GRAMD1C: variants seen among roughly 807,000 people sequenced by gnomAD.
GRAMD1C encodes the protein GRAM domain containing 1C.
Under a neutral mutation model 97.8 loss-of-function variants are expected in GRAMD1C, and 89 were observed. The observed-to-expected ratio is 0.91, with a 90% confidence interval of 0.77 to 1.09. GRAMD1C has a LOEUF of 1.09. GRAMD1C is among the 50% of genes least tolerant of loss of function. The probability of loss-of-function intolerance (pLI) is 0.00; values close to 1 mark genes in which losing one functional copy is unlikely to be tolerated. For missense variants in GRAMD1C, 740 were observed against 766.4 expected (o/e 0.97, Z 0.41); for synonymous variants, 256 against 267.0 (o/e 0.96, Z 0.40).
rs757180388 is a variant in GRAMD1C at position 113,938,130 on chromosome 3, G to C, written c.1678G>C (p.Val560Leu). The change falls in exon 15 of 18, where the codon GTA (valine) becomes CTA (leucine). Residue 560 changes from valine to leucine, a missense_variant. Transcript: ENST00000358160. ...AAACTATAACGTCACTCTTATTGTG[G>C]TAATGAGTATTTTGTAAGTATTTGT... The part of the protein sequence containing the change: ...MENYNVTLIV[V>L]MSIFVLLLVL... 6.6e-6 allele frequency: 10 copies of C among 1,505,206 alleles called. No individual in the cohort carries two copies. The highest frequency in any genetic ancestry group is 2.0e-5 in the Admixed American group (1 of 51,240). The allele number at this position is 1,505,206 out of a possible 1,614,324, so 93.2% of individuals were successfully genotyped here. A position where few individuals can be genotyped will look rare whatever the true frequency, so the allele number is the denominator to read the frequency against.
At chr3:113,930,546 C>G (rs1263069780) in intron 10 of GRAMD1C, among the ~76,000 whole-genome samples, 168 bp from the exon 11 acceptor site, 2 of 152,194 alleles carry the variant, frequency 1.3e-5, no homozygotes, top group Non-Finnish European at 2.9e-5. Context: ...GAGTGCTTAA[C>G]ATTTAATCTC....
chr3:113,934,526 A>G lies in GRAMD1C; in HGVS notation c.1447A>G (p.Lys483Glu). 1 of 1,490,830 alleles carries G rather than the reference A, an allele frequency of 6.7e-7. No homozygotes were observed. The highest frequency in any genetic ancestry group is 9.2e-7 in the Non-Finnish European group (1 of 1,083,630). 92.4% of individuals were successfully genotyped at this position (1,490,830 alleles called of 1,614,324 possible). A position where few individuals can be genotyped will look rare whatever the true frequency, so the allele number is the denominator to read the frequency against. Residue 483 changes from lysine to glutamate, a missense_variant, in exon 13 of 18, where the codon AAA (lysine) becomes GAA (glutamate). Physicochemically the swap from Lys to Glu is moderately conservative, Grantham distance 56 (BLOSUM62 1). Transcript: ENST00000358160. Reference sequence around the variant, plus strand: ...CTGGAGTTCTTTGGAGGACTATTTCAAACAGCTTGGTTTGTAAATTTTTTT... The same window carrying G: ...CTGGAGTTCTTTGGAGGACTATTTCGAACAGCTTGGTTTGTAAATTTTTTT... ...NSWSSLEDYF[K>E]QLESDLLIEE...
intron 5 of GRAMD1C, among the ~76,000 whole-genome samples, chr3:113,879,314 C>A (rs1275477103): frequency 2.0e-5 from 3 of 152,114 alleles, no homozygotes; most frequent in Non-Finnish European, 4.4e-5. Flanking sequence ...ACAGGGACAC[C>A]CTCTGTTCCC....
chr3:113,862,881 C>G (rs1934437746), intron 2 of GRAMD1C, among the ~76,000 whole-genome samples: 1 of 152,170 alleles, frequency 6.6e-6, no homozygotes, highest in African/African-American at 2.4e-5. Context: ...CTTCCTGCAA[C>G]ACAATGGGAA....
At chr3:113,926,829 C>A (rs2107358695) in intron 10 of GRAMD1C, among the ~76,000 whole-genome samples, 1 of 152,302 alleles carries the variant, frequency 6.6e-6, no homozygotes, top group African/African-American at 2.4e-5. Context: ...AGAGTTAGAA[C>A]ACATAGTTTT....
intron 10 of GRAMD1C, among the ~76,000 whole-genome samples, chr3:113,916,091 T>G (rs1315999170): frequency 6.6e-6 from 1 of 152,230 alleles, no homozygotes; most frequent in Non-Finnish European, 1.5e-5. Flanking sequence ...ATTTATTCAT[T>G]AAGGTACCAA....
chr3:113,885,285 C>T (rs1935428074), intron 6 of GRAMD1C: 26 of 1,461,118 alleles, frequency 1.8e-5, no homozygotes, highest in Non-Finnish European at 2.5e-5. Context: ...CCGGCGGTGC[C>T]GGGGTCATCC....
chr3:113,886,072 G>A, intron 6 of GRAMD1C: 1 of 799,284 alleles, frequency 1.3e-6, no homozygotes, highest in Non-Finnish European at 1.8e-6. Context: ...GGGGGGGCGG[G>A]GGGGAAAGGG....
chr3:113,833,120 C>CTTTTTTTTTTTTTTTTT (rs200062835), intron 1 of GRAMD1C, among the ~76,000 whole-genome samples: 2 of 129,472 alleles, frequency 1.5e-5, no homozygotes, highest in African/African-American at 2.9e-5. Context: ...TTCTTTCTTT[C>CTTTTTTTTTTTTTTTTT]TTTTTTTTTT....
At chr3:113,863,219 A>G (rs1460203770) in intron 2 of GRAMD1C, among the ~76,000 whole-genome samples, 1 of 152,234 alleles carries the variant, frequency 6.6e-6, no homozygotes, top group Non-Finnish European at 1.5e-5. Context: ...GATAAAATGT[A>G]GTATATTTGT....
At chr3:113,915,059 T>C (rs567659823) in intron 9 of GRAMD1C, among the ~76,000 whole-genome samples, 1 of 152,362 alleles carries the variant, frequency 6.6e-6, no homozygotes, top group East Asian at 1.9e-4. Context: ...AACATCACTA[T>C]GATTATCAAA....
chr3:113,832,463 T>C (rs909232978), intron 1 of GRAMD1C, among the ~76,000 whole-genome samples: 5 of 152,240 alleles, frequency 3.3e-5, no homozygotes, highest in Non-Finnish European at 7.3e-5. Flanking sequence ...ATACACAAGA[T>C]AAAATTAACC....
intron 6 of GRAMD1C, among the ~76,000 whole-genome samples, chr3:113,893,834 C>T (rs1935830525): frequency 6.6e-6 from 1 of 152,146 alleles, no homozygotes; most frequent in Non-Finnish European, 1.5e-5. Context: ...TTTAGTAGAA[C>T]TTCAATGATT....
upstream of GRAMD1C, among the ~76,000 whole-genome samples, chr3:113,834,469 G>A (rs928128409): frequency 5.9e-5 from 9 of 151,472 alleles, no homozygotes; most frequent in Admixed American, 2.6e-4. Flanking sequence ...ATGAGCCACC[G>A]CACCCAGCCT....
rs141104368 is a variant in GRAMD1C, at chr3:113,938,235, G to A, written c.1691+92G>A. 237 of 580,558 alleles carry A rather than the reference G, an allele frequency of 4.1e-4. 2 individuals are homozygous for A. In the East Asian group the frequency reaches 7.3e-3, roughly 18 times the overall value. 36.0% of individuals were successfully genotyped at this position (580,558 alleles called of 1,614,324 possible). A position where few individuals can be genotyped will look rare whatever the true frequency, so the allele number is the denominator to read the frequency against. On this transcript the variant is annotated intron_variant, in intron 15 of 17. Coordinates refer to ENST00000358160, the MANE Select transcript of GRAMD1C (RefSeq NM_017577.5). ...AATTTGAATGTATTTGTATATTATT[G>A]TGTAGAAATTGCCACTATTTGACTA...
chr3:113,889,503 C>T (rs1935634398), intron 6 of GRAMD1C, among the ~76,000 whole-genome samples: 1 of 152,122 alleles, frequency 6.6e-6, no homozygotes. Flanking sequence ...GGTTGTTTAA[C>T]TTTGGATATG....
intron 9 of GRAMD1C, among the ~76,000 whole-genome samples, chr3:113,913,732 C>G (rs1252055816): frequency 6.6e-6 from 1 of 152,020 alleles, no homozygotes; most frequent in African/African-American, 2.4e-5. Flanking sequence ...TACTGGTTTC[C>G]CTAAGCACGT....
chr3:113,831,313 G>A (rs182791941), intron 1 of GRAMD1C, among the ~76,000 whole-genome samples: 4 of 152,148 alleles, frequency 2.6e-5, no homozygotes, highest in East Asian at 1.9e-4. Context: ...CCTTTTATGA[G>A]TTTGATGTTT....
At position 113,933,196 on chromosome 3, in the gene GRAMD1C, TA is replaced by T. The variant is rs200273490; in HGVS notation, c.1210-307del. ...CACTGCGTCTGGCCTAATTTTTTAT[TA>T]AAAAAAATTTTTTTTGTAGAGGCTG... is the stretch of plus-strand genomic sequence containing the variant. On this transcript the variant is annotated intron_variant, in intron 11 of 17. Transcript: ENST00000358160. Among the ~76,000 whole-genome samples the T allele has an allele frequency of 4.8e-3, 728 of 152,202 alleles. 5 individuals carry two copies. Among genetic ancestry groups the T allele is most frequent in the Middle Eastern group, 0.017 (5 of 294 alleles).
Sources: gnomAD v4.1 joint callset for allele counts (sites outside exome capture counted in the v4.1 genomes callset) on GRCh38, gnomAD v4.1.1 for gene constraint, MANE v1.5 for transcripts, NCBI Gene and HGNC (gene_info 2026-07-23, HGNC 2026-07-21) for gene names.